ATP8A2: variants seen among roughly 807,000 people sequenced by gnomAD.
ATP8A2 encodes the protein phospholipid-transporting ATPase IB.
ATP8A2 carries 100 observed loss-of-function variants against 165.6 expected under a neutral mutation model. That is an observed-to-expected ratio of 0.60 (90% CI 0.51 to 0.71). The LOEUF (loss-of-function observed/expected upper bound fraction) is 0.71, where lower values mean the gene tolerates loss of function less well. Among genes scored for constraint, ATP8A2 ranks in the 30% least tolerant of loss-of-function variants. The pLI is 0.00. For synonymous variants in ATP8A2, 543 were observed against 548.8 expected, an observed-to-expected ratio of 0.99 and a Z score of 0.15; for missense variants, 1,227 against 1,479.5, an observed-to-expected ratio of 0.83 and a Z score of 2.80.
chr13:25,919,811 G>A (rs1172917127), intron 33 of ATP8A2, among the ~76,000 whole-genome samples: 1 of 152,052 alleles, frequency 6.6e-6, no homozygotes. Context: ...TGTTGCTCAG[G>A]CTGGAGTGCG....
intron 2 of ATP8A2, among the ~76,000 whole-genome samples, chr13:25,518,353 G>A (rs528457558): frequency 2.0e-5 from 3 of 152,284 alleles, no homozygotes; most frequent in South Asian, 2.1e-4. Flanking sequence ...GTCAGCTTCC[G>A]GTGGGGACGC....
At chr13:25,466,533 GC>G (rs1273942196) in intron 1 of ATP8A2, among the ~76,000 whole-genome samples, 1 of 152,122 alleles carries the variant, frequency 6.6e-6, no homozygotes, top group Non-Finnish European at 1.5e-5. Flanking sequence ...ACACCTTTAT[GC>G]CTTAATTGAG....
chr13:25,981,627 C>T (rs1024546637), intron 35 of ATP8A2, among the ~76,000 whole-genome samples: 13 of 151,938 alleles, frequency 8.6e-5, no homozygotes, highest in Admixed American at 2.6e-4. Flanking sequence ...TGAAACAATT[C>T]GTATGTTCTT....
chr13:25,541,395 T>C (rs1404358604), intron 8 of ATP8A2, among the ~76,000 whole-genome samples: 3 of 152,100 alleles, frequency 2.0e-5, no homozygotes, highest in Admixed American at 2.0e-4. Flanking sequence ...TGATGGCACA[T>C]ACCTGTAGTC....
chr13:25,508,679 G>A (rs1436436424), intron 2 of ATP8A2, among the ~76,000 whole-genome samples: 1 of 152,174 alleles, frequency 6.6e-6, no homozygotes, highest in Non-Finnish European at 1.5e-5. Flanking sequence ...AACGTATATA[G>A]GTTGTTATTA....
In ATP8A2 at chr13:25,802,553, A is replaced by G. The variant is rs374962453; in HGVS notation, c.2680-25565A>G. ...GCTTGAGAACTTTTTCTCAAATTCA[A>G]TGCAGAAAGGCAGTCTGTGAGGCAG... On this transcript the variant is annotated intron_variant, in intron 27 of 36. Transcript: ENST00000381655. 8.1e-4 allele frequency among the ~76,000 whole-genome samples: 123 copies of G among 152,334 alleles called. 1 individual carries two copies. The highest frequency in any genetic ancestry group is 3.1e-3 in the South Asian group (15 of 4,828).
At chr13:25,762,578 T>G (rs535380950) in intron 25 of ATP8A2, among the ~76,000 whole-genome samples, 1 of 152,320 alleles carries the variant, frequency 6.6e-6, no homozygotes, top group Non-Finnish European at 1.5e-5. Context: ...GTTAAGATAG[T>G]TTTGTTTAAA....
chr13:25,570,502 C>G (rs974365743), intron 16 of ATP8A2, among the ~76,000 whole-genome samples: 2 of 152,254 alleles, frequency 1.3e-5, no homozygotes, highest in African/African-American at 2.4e-5. Context: ...AAGGCTCTTT[C>G]GTCTTTTCTC....
At chr13:25,521,846 C>T (rs1171304894) in intron 2 of ATP8A2, among the ~76,000 whole-genome samples, 1 of 152,122 alleles carries the variant, frequency 6.6e-6, no homozygotes, top group Non-Finnish European at 1.5e-5. Context: ...TGTTTTTATG[C>T]CAGTACCATG....
In ATP8A2 at chr13:25,945,188, G is replaced by A. The variant is rs60517506; in HGVS notation, c.3184-16387G>A. 0.016 allele frequency among the ~76,000 whole-genome samples: 2,460 copies of A among 152,292 alleles called. 184 individuals are homozygous for A. The East Asian group carries it at 0.21, about 13-fold the overall frequency. The stretch of plus-strand genomic sequence containing the variant: ...TGTTGGAAGTCGGAATGATTGCAGG[G>A]TGTGCTGGTGAATCTGCCTGTGCCC... On this transcript the variant is annotated intron_variant, in intron 33 of 36. Coordinates refer to ENST00000381655, the MANE Select transcript of ATP8A2 (RefSeq NM_016529.6).
At chr13:25,682,119 A>C (rs2042501762) in intron 24 of ATP8A2, among the ~76,000 whole-genome samples, 1 of 151,832 alleles carries the variant, frequency 6.6e-6, no homozygotes, top group South Asian at 2.1e-4. Flanking sequence ...CACACCAAAA[A>C]CCCCGTGATC....
At chr13:25,383,054 C>T (rs2032909928) in intron 1 of ATP8A2, among the ~76,000 whole-genome samples, 1 of 139,440 alleles carries the variant, frequency 7.2e-6, no homozygotes, top group Non-Finnish European at 1.5e-5. Context: ...CACACCCAGC[C>T]TTTTCTTTTT....
chr13:25,839,490 C>G (rs1951704859), intron 29 of ATP8A2, 56 bp from the exon 30 acceptor site: 1 of 1,281,364 alleles, frequency 7.8e-7, no homozygotes, highest in Non-Finnish European at 1.1e-6. Flanking sequence ...TTGAGAGTTT[C>G]ACAGAGGTCA....
chr13:25,396,809 G>C (rs2033441927), intron 1 of ATP8A2, among the ~76,000 whole-genome samples: 1 of 152,144 alleles, frequency 6.6e-6, no homozygotes. Context: ...TTGCGGGGAG[G>C]ACTCTAAAAA....
chr13:25,390,794 G>A (rs1396184243), intron 1 of ATP8A2, among the ~76,000 whole-genome samples: 1 of 151,992 alleles, frequency 6.6e-6, no homozygotes, highest in Non-Finnish European at 1.5e-5. Flanking sequence ...GCTGGGTGTG[G>A]TGGTACACAC....
chr13:25,941,622 C>T (rs1213289984), intron 33 of ATP8A2, among the ~76,000 whole-genome samples: 1 of 152,170 alleles, frequency 6.6e-6, no homozygotes, highest in Non-Finnish European at 1.5e-5. Flanking sequence ...TGCTTGAGGA[C>T]AACCACTGTC....
chr13:25,860,129 C>T (rs932799264), intron 30 of ATP8A2, 66 bp from the exon 31 acceptor site: 3 of 1,040,802 alleles, frequency 2.9e-6, no homozygotes, highest in African/African-American at 3.1e-5. Flanking sequence ...CTGTTTAATG[C>T]TCTGAGTTAA....
intron 33 of ATP8A2, among the ~76,000 whole-genome samples, chr13:25,870,291 G>T (rs914733599): frequency 6.6e-6 from 1 of 152,058 alleles, no homozygotes; most frequent in African/African-American, 2.4e-5. Context: ...TTTTTGTATA[G>T]GCACAGGATA....
intron 33 of ATP8A2, among the ~76,000 whole-genome samples, chr13:25,941,247 C>T (rs548544402): frequency 2.6e-5 from 4 of 152,272 alleles, no homozygotes; most frequent in African/African-American, 9.6e-5. Flanking sequence ...TCCTATGCCT[C>T]CCAGATCCTG....
Sources: gnomAD v4.1 joint callset for allele counts (sites outside exome capture counted in the v4.1 genomes callset) on GRCh38, gnomAD v4.1.1 for gene constraint, MANE v1.5 for transcripts, NCBI Gene and HGNC (gene_info 2026-07-23, HGNC 2026-07-21) for gene names.